The following TENT4B variants were observed in gnomAD, a reference collection of about 807,000 sequenced individuals.
The protein encoded by TENT4B is PAP associated domain containing 5.
Under a neutral mutation model 75.0 loss-of-function variants are expected in TENT4B, and 10 were observed. The observed-to-expected ratio is 0.13, with a 90% CI of 0.08 to 0.23. The LOEUF (loss-of-function observed/expected upper bound fraction) is 0.23. Among genes scored for constraint, TENT4B ranks in the 10% least tolerant of loss-of-function variants. The pLI is 1.00. For missense variants in TENT4B, 579 were observed against 893.8 expected, an observed-to-expected ratio of 0.65 and a Z score of 4.49; for synonymous variants, 350 against 357.7, an observed-to-expected ratio of 0.98 and a Z score of 0.24.
rs2037821078 is a variant in TENT4B at position 50,153,594 on chromosome 16, G to A, written c.-28G>A. The A allele has an allele frequency of 1.0e-6, 1 of 978,254 alleles. No homozygotes were observed. The allele number at this position is 978,254 out of a possible 1,614,324, so 60.6% of individuals were successfully genotyped here. A position where few individuals can be genotyped will look rare whatever the true frequency, so the allele number is the denominator to read the frequency against. ...CGGCGGCCCTGCGGGCGGCCGGGAG[G>A]GGCGGGGGCAGCGGCCGCCGCCGTT... On this transcript the variant is annotated 5_prime_UTR_variant, in exon 1 of 12. Transcript: ENST00000561678.
chr16:50,154,751 T>A (rs1232819865), intron 1 of TENT4B, among the ~76,000 whole-genome samples: 1 of 152,056 alleles, frequency 6.6e-6, no homozygotes, highest in Admixed American at 6.6e-5. Context: ...TTGCCAAGAA[T>A]AGAAACATCC....
intron 5 of TENT4B, among the ~76,000 whole-genome samples, chr16:50,219,032 T>C (rs539696830): frequency 1.3e-5 from 2 of 152,294 alleles, no homozygotes; most frequent in South Asian, 4.1e-4. Context: ...TGCATAAATG[T>C]ATGGAAGACA....
intron 1 of TENT4B, among the ~76,000 whole-genome samples, chr16:50,162,497 C>A (rs1024156926): frequency 1.3e-5 from 2 of 152,022 alleles, no homozygotes; most frequent in South Asian, 2.1e-4. Context: ...TTTATTTGAG[C>A]GGTTCTAATA....
chr16:50,225,371 A>G, intron 10 of TENT4B, 86 bp downstream of exon 10: 1 of 1,201,196 alleles, frequency 8.3e-7, no homozygotes, highest in Non-Finnish European at 1.2e-6. Context: ...GGCTAAGGCT[A>G]CTTCCTTTGC....
Position 50,216,093 on chromosome 16 carries a change from G to A in TENT4B, c.828G>A (p.Val276=), listed in dbSNP as rs1192488521. ...YLPTSDIDLV[V]FGKWENLPLW... ...TGTTCAGTGACATCGACCTAGTGGT[G>A]TTTGGGAAGTGGGAGAACCTACCCC... The change falls in exon 4 of 12, where the codon GTG becomes GTA. Residue 276 remains valine (V), a synonymous_variant. Coordinates refer to ENST00000561678, the MANE Select transcript of TENT4B (RefSeq NM_001365324.3). 6 of 1,613,856 alleles carry A rather than the reference G, an allele frequency of 3.7e-6. No individual in the cohort carries two copies. The highest frequency in any genetic ancestry group is 4.2e-6 in the Non-Finnish European group (5 of 1,179,882).
Position 50,153,359 on chromosome 16 carries a change from C to CAGGG in TENT4B, c.-262_-259dup, listed in dbSNP as rs1178752001. ...GCCATTTGCACGGGGACCCCAGTGA[C>CAGGG]AGGGGCTCGGCGGAGGGGCGGAGGG... On this transcript the variant is annotated 5_prime_UTR_variant, in exon 1 of 12. Coordinates refer to ENST00000561678, the MANE Select transcript of TENT4B (RefSeq NM_001365324.3). Among the ~76,000 whole-genome samples, 1 of 118,542 alleles carries CAGGG rather than the reference C, an allele frequency of 8.4e-6. No individual in the cohort carries two copies. The highest frequency in any genetic ancestry group is 1.7e-5 in the Non-Finnish European group (1 of 57,708). The allele number at this position is 118,542 out of a possible 152,430, so 77.8% of individuals were successfully genotyped here. A position where few individuals can be genotyped will look rare whatever the true frequency, so the allele number is the denominator to read the frequency against.
At chr16:50,190,245 A>T (rs2038615770) in intron 1 of TENT4B, among the ~76,000 whole-genome samples, 1 of 151,930 alleles carries the variant, frequency 6.6e-6, no homozygotes, top group Non-Finnish European at 1.5e-5. Flanking sequence ...CAGCTACATG[A>T]TATCTACTTG....
intron 3 of TENT4B, 39 bp from the exon 4 acceptor site, chr16:50,216,036 A>G (rs1304953420): frequency 1.7e-5 from 28 of 1,609,822 alleles, no homozygotes; most frequent in Middle Eastern, 3.3e-4. Context: ...CAAGTTTCCA[A>G]CTTCTTCCGA....
In TENT4B at chr16:50,229,338, C is replaced by T. The variant is rs771483595; in HGVS notation, c.*10C>T. ...AGACCTCTGTAGATAGTCAGCGCTG[C>T]GCGGTGGACTGTCTTCTCTGTGCAA... On this transcript the variant is annotated 3_prime_UTR_variant, in exon 12 of 12. Transcript: ENST00000561678. 11 of 1,602,642 alleles carry T rather than the reference C, an allele frequency of 6.9e-6. No homozygotes were observed. The highest frequency in any genetic ancestry group is 1.1e-5 in the South Asian group (1 of 88,936).
At chr16:50,223,715 C>A (rs941683791) in intron 7 of TENT4B, among the ~76,000 whole-genome samples, 1 of 152,120 alleles carries the variant, frequency 6.6e-6, no homozygotes, top group Non-Finnish European at 1.5e-5. Context: ...AACCAATTGT[C>A]AGCAATTAAT....
chr16:50,202,359 A>G (rs922595795), intron 1 of TENT4B, among the ~76,000 whole-genome samples: 1 of 152,258 alleles, frequency 6.6e-6, no homozygotes, highest in African/African-American at 2.4e-5. Flanking sequence ...CAACAAATGA[A>G]TACATAAATG....
intron 1 of TENT4B, among the ~76,000 whole-genome samples, chr16:50,194,212 C>CT (rs1270657321): frequency 3.4e-5 from 3 of 89,146 alleles, no homozygotes; most frequent in Non-Finnish European, 5.3e-5. Flanking sequence ...TTTCTCTTTT[C>CT]TTTCTTTTTT....
Position 50,154,278 on chromosome 16 carries a change from GC to G in TENT4B, c.638+22del. ...TCGTGGGGTGAGTGCTGGCTCTGCG[GC>G]CCGATGGCCTGGCCGGTGCGAATGC... On this transcript the variant is annotated intron_variant, in intron 1 of 11. Coordinates refer to ENST00000561678, the MANE Select transcript of TENT4B (RefSeq NM_001365324.3). 2 of 1,396,084 alleles carry G rather than the reference GC, an allele frequency of 1.4e-6. No homozygotes were observed. Among genetic ancestry groups the G allele is most frequent in the Non-Finnish European group, 1.8e-6 (2 of 1,081,712 alleles). The allele number at this position is 1,396,084 out of a possible 1,614,324, so 86.5% of individuals were successfully genotyped here.
At chr16:50,213,762 A>G (rs1364752276) in intron 2 of TENT4B, among the ~76,000 whole-genome samples, 1 of 152,226 alleles carries the variant, frequency 6.6e-6, no homozygotes, top group Non-Finnish European at 1.5e-5. Context: ...AAACAATACA[A>G]ATTATTTTAA....
At chr16:50,166,966 C>G (rs1175351860) in intron 1 of TENT4B, among the ~76,000 whole-genome samples, 1 of 152,048 alleles carries the variant, frequency 6.6e-6, no homozygotes, top group Non-Finnish European at 1.5e-5. Context: ...CTTTGTCACC[C>G]AGGTTGGAGT....
chr16:50,183,488 A>G (rs1002278391), intron 1 of TENT4B, among the ~76,000 whole-genome samples: 19 of 120,098 alleles, frequency 1.6e-4, no homozygotes, highest in African/African-American at 5.6e-4. Context: ...TGGTCTTTCT[A>G]TTTTTCTTGT....
In TENT4B at chr16:50,153,596, G is replaced by C; in HGVS notation, c.-26G>C. The C allele has an allele frequency of 2.0e-6, 2 of 998,860 alleles. No homozygotes were observed. Among genetic ancestry groups the C allele is most frequent in the Non-Finnish European group, 2.4e-6 (2 of 841,558 alleles). The allele number at this position is 998,860 out of a possible 1,614,324, so 61.9% of individuals were successfully genotyped here. A position where few individuals can be genotyped will look rare whatever the true frequency, so the allele number is the denominator to read the frequency against. On this transcript the variant is annotated 5_prime_UTR_variant, in exon 1 of 12. Transcript: ENST00000561678. The stretch of plus-strand genomic sequence containing the variant: ...GCGGCCCTGCGGGCGGCCGGGAGGG[G>C]CGGGGGCAGCGGCCGCCGCCGTTTG...
intron 1 of TENT4B, among the ~76,000 whole-genome samples, chr16:50,197,348 G>T (rs539047690): frequency 6.6e-6 from 1 of 152,306 alleles, no homozygotes; most frequent in Admixed American, 6.5e-5. Context: ...GAGTGCAGTG[G>T]TGCAAGCACA....
chr16:50,206,849 C>T (rs1247310588), intron 1 of TENT4B, among the ~76,000 whole-genome samples: 1 of 151,858 alleles, frequency 6.6e-6, no homozygotes, highest in African/African-American at 2.4e-5. Flanking sequence ...ATAAAATTCA[C>T]ATAATTTTGA....
Sources: gnomAD v4.1 joint callset for allele counts (sites outside exome capture counted in the v4.1 genomes callset) on GRCh38, gnomAD v4.1.1 for gene constraint, MANE v1.5 for transcripts, NCBI Gene and HGNC (gene_info 2026-07-23, HGNC 2026-07-21) for gene names.